LRRC74A: variants seen among roughly 807,000 people sequenced by gnomAD.
LRRC74A encodes the protein leucine-rich repeat-containing protein 74A.
In LRRC74A, 44 loss-of-function variants were observed where a neutral mutation model predicts 57.9. The observed-to-expected ratio is 0.76, with a 90% CI of 0.60 to 0.98. The LOEUF (loss-of-function observed/expected upper bound fraction) is 0.98, where lower values mean the gene tolerates loss of function less well. Ranked by LOEUF, LRRC74A falls within the 50% of genes least tolerant of loss-of-function variation. The pLI is 0.00. For missense variants in LRRC74A, 572 were observed against 574.0 expected (o/e 1.00, Z 0.04); for synonymous variants, 211 against 219.4 (o/e 0.96, Z 0.34).
intron 3 of LRRC74A, among the ~76,000 whole-genome samples, chr14:76,832,499 A>G (rs1896039965): frequency 6.6e-6 from 1 of 152,144 alleles, no homozygotes; most frequent in Non-Finnish European, 1.5e-5. Context: ...GTAGAGAAGG[A>G]GTCTTGCTAT....
chr14:76,862,409 A>G (rs1450372184), intron 11 of LRRC74A, among the ~76,000 whole-genome samples: 3 of 146,908 alleles, frequency 2.0e-5, no homozygotes, highest in Admixed American at 1.4e-4. Flanking sequence ...AGATGCCTAT[A>G]ATCCCAGCTA....
chr14:76,831,915 A>G (rs1896003278), intron 3 of LRRC74A, among the ~76,000 whole-genome samples: 2 of 152,214 alleles, frequency 1.3e-5, no homozygotes. Context: ...TGAGTTCATC[A>G]TGACTTTATA....
At chr14:76,828,769 GC>G (rs1451956192) in intron 2 of LRRC74A, 2 of 444,744 alleles carry the variant, frequency 4.5e-6, no homozygotes, top group Admixed American at 2.5e-5. Flanking sequence ...AGGCATCTTT[GC>G]CAGTTTTCAA....
At position 76,826,485 on chromosome 14, in the gene LRRC74A, G is replaced by C. The variant is rs772609138; in HGVS notation, c.-213G>C. On this transcript the variant is annotated 5_prime_UTR_variant, in exon 1 of 14. Coordinates refer to ENST00000689127, the MANE Select transcript of LRRC74A (RefSeq NM_001385106.1). ...TAGCTACCTCTCCCAGACAGAGTTG[G>C]GGTCAAATTCATGCACATCCAATTC... 1.3e-6 allele frequency: 2 copies of C among 1,553,412 alleles called. No homozygotes were observed. The highest frequency in any genetic ancestry group is 1.7e-6 in the Non-Finnish European group (2 of 1,143,808).
intron 5 of LRRC74A, among the ~76,000 whole-genome samples, chr14:76,842,149 A>G (rs1430295988): frequency 6.6e-6 from 1 of 152,098 alleles, no homozygotes; most frequent in Non-Finnish European, 1.5e-5. Context: ...CACATTTTCT[A>G]ATTGGTCATT....
intron 7 of LRRC74A, among the ~76,000 whole-genome samples, chr14:76,849,614 C>T (rs1897307077): frequency 6.9e-6 from 1 of 145,750 alleles, no homozygotes; most frequent in Non-Finnish European, 1.5e-5. Flanking sequence ...CCAGCCTGGC[C>T]AATATGGTGA....
chr14:76,867,929 C>A (rs1299495593), intron 13 of LRRC74A, among the ~76,000 whole-genome samples: 1 of 152,228 alleles, frequency 6.6e-6, no homozygotes. Flanking sequence ...ACAGGTCCCG[C>A]TACTCTGCCA....
intron 6 of LRRC74A, 95 bp from the exon 7 acceptor site, chr14:76,844,725 C>A: frequency 1.3e-6 from 1 of 749,438 alleles, no homozygotes; most frequent in South Asian, 1.7e-5. Context: ...ATTTTTGGTA[C>A]ATCAGAGCCC....
intron 5 of LRRC74A, among the ~76,000 whole-genome samples, chr14:76,838,281 A>T (rs929567689): frequency 1.3e-5 from 2 of 152,188 alleles, no homozygotes; most frequent in Admixed American, 1.3e-4. Flanking sequence ...CCAATCATAA[A>T]CTATGTTTAA....
intron 3 of LRRC74A, 94 bp downstream of exon 3, chr14:76,831,469 CT>C (rs2140256650): frequency 7.3e-7 from 1 of 1,360,668 alleles, no homozygotes; most frequent in Admixed American, 1.8e-5. Context: ...CCTATGGAGC[CT>C]AAACCCACAC....
At chr14:76,866,694 C>T (rs1216587268) in intron 12 of LRRC74A, among the ~76,000 whole-genome samples, 1 of 151,932 alleles carries the variant, frequency 6.6e-6, no homozygotes, top group African/African-American at 2.4e-5. Context: ...ATGAACTTCA[C>T]AGGATGCAAA....
Position 76,832,508 on chromosome 14 carries a change from A to G in LRRC74A, c.339+1133A>G, listed in dbSNP as rs563227044. ...TTTTTAGTAGAGAAGGAGTCTTGCT[A>G]TGTTGCCCAGGCTGGTCTCAAACTC... On this transcript the variant is annotated intron_variant, in intron 3 of 13. Transcript: ENST00000689127. Among the ~76,000 whole-genome samples, 5 of 152,314 alleles carry G rather than the reference A, an allele frequency of 3.3e-5. No individual in the cohort carries two copies. The South Asian group carries it at 1.0e-3, about 32-fold the overall frequency.
In LRRC74A at chr14:76,852,427, G is replaced by A. The variant is rs1415326745; in HGVS notation, c.739G>A (p.Val247Met). The A allele has an allele frequency of 5.0e-6, 8 of 1,610,394 alleles. No homozygotes were observed. The South Asian group carries it at 8.8e-5, about 18-fold the overall frequency. The change falls in exon 8 of 14, where the codon GTG (valine) becomes ATG (methionine). Residue 247 changes from valine (V) to methionine (M), a missense_variant. Physicochemically the swap from Val to Met is conservative, Grantham distance 21. Transcript: ENST00000689127. ...SWNNFHTRGA[V>M]ALCNGLRGNV... ...GAATAACTTCCACACAAGGGGAGCTGTGGCCTTGTGCAATGGTCTCCGGGT... is the reference window on the plus strand; with the variant it reads ...GAATAACTTCCACACAAGGGGAGCTATGGCCTTGTGCAATGGTCTCCGGGT...
intron 9 of LRRC74A, 29 bp downstream of exon 9, chr14:76,853,439 G>A (rs745464835): frequency 7.3e-7 from 1 of 1,365,520 alleles, no homozygotes. Context: ...GGGTGTGTGT[G>A]TGTGTGTGTG....
rs11849469 is a variant in LRRC74A at position 76,864,186 on chromosome 14, C to T, written c.1201-1782C>T. 3.8e-3 allele frequency among the ~76,000 whole-genome samples: 576 copies of T among 152,082 alleles called. 4 individuals carry two copies. Among genetic ancestry groups the T allele is most frequent in the African/African-American group, 8.5e-3 (354 of 41,462 alleles). ...ACTTTGGATGTGTTGATTGAAGTGC[C>T]GGTGGGGTGTCCAGCAGCTGTGGAG... On this transcript the variant is annotated intron_variant, in intron 11 of 13. Transcript: ENST00000689127.
chr14:76,869,864 C>T (rs996391091), intron 13 of LRRC74A, among the ~76,000 whole-genome samples: 2 of 152,116 alleles, frequency 1.3e-5, no homozygotes, highest in Non-Finnish European at 2.9e-5. Flanking sequence ...TTTACTCTGC[C>T]TCCCCAAAGG....
intron 1 of LRRC74A, among the ~76,000 whole-genome samples, chr14:76,826,994 T>G (rs977225666): frequency 3.3e-5 from 5 of 152,236 alleles, no homozygotes; most frequent in African/African-American, 9.6e-5. Context: ...CATTTATAGT[T>G]TGAAATCAGT....
chr14:76,862,290 G>T (rs1358605123), intron 11 of LRRC74A, among the ~76,000 whole-genome samples: 1 of 152,204 alleles, frequency 6.6e-6, no homozygotes, highest in African/African-American at 2.4e-5. Context: ...AGCAATTCGG[G>T]AGGCCAAAGC....
chr14:76,835,126 T>A (rs977229943), intron 3 of LRRC74A, among the ~76,000 whole-genome samples: 3 of 152,178 alleles, frequency 2.0e-5, no homozygotes, highest in African/African-American at 7.2e-5. Context: ...AGATCAAAGT[T>A]CTGATTAGAG....
Sources: gnomAD v4.1 joint callset for allele counts (sites outside exome capture counted in the v4.1 genomes callset) on GRCh38, gnomAD v4.1.1 for gene constraint, MANE v1.5 for transcripts, NCBI Gene and HGNC (gene_info 2026-07-23, HGNC 2026-07-21) for gene names.